Variants in TXK observed in about 807,000 individuals in gnomAD.
TXK encodes tyrosine-protein kinase TXK.
TXK carries 60 observed loss-of-function variants against 81.0 expected under a neutral mutation model. The observed-to-expected ratio is 0.74, with a 90% CI of 0.60 to 0.92. The LOEUF (loss-of-function observed/expected upper bound fraction) is 0.92, where lower values mean the gene tolerates loss of function less well. Among genes scored for constraint, TXK ranks in the 40% least tolerant of loss-of-function variants. The probability of loss-of-function intolerance (pLI) is 0.00; values close to 1 mark genes in which losing one functional copy is unlikely to be tolerated. For synonymous variants in TXK, 203 were observed against 210.7 expected (o/e 0.96, Z 0.32); for missense variants, 581 against 638.3 (o/e 0.91, Z 0.97).
At position 48,112,357 on chromosome 4, in the gene TXK, C is replaced by A. The variant is rs1456021643; in HGVS notation, c.330G>T (p.Leu110=). The part of the protein sequence containing the change: ...NLALRRAEEY[L]ILEKYNPHWW... ...AGTGAGGATTGTATTTCTCCAGTATCAGGTATTCTTCTGCTCTCCTTAAGG... is the reference window on the plus strand; with the variant it reads ...AGTGAGGATTGTATTTCTCCAGTATAAGGTATTCTTCTGCTCTCCTTAAGG... The change falls in exon 4 of 15, where the codon CTG becomes CTT. Residue 110 remains leucine (L), a synonymous_variant. Coordinates refer to ENST00000264316, the MANE Select transcript of TXK (RefSeq NM_003328.3). The A allele has an allele frequency of 2.5e-6, 4 of 1,614,038 alleles. No individual in the cohort carries two copies. In the South Asian group the frequency reaches 4.4e-5, roughly 18 times the overall value.
chr4:48,120,175 A>ACATACG (rs1211067152), intron 1 of TXK, among the ~76,000 whole-genome samples: 7 of 94,670 alleles, frequency 7.4e-5, no homozygotes, highest in South Asian at 2.7e-4. Context: ...GTATATACGT[A>ACATACG]TATGTGTATA....
chr4:48,114,112 G>A (rs867385794), intron 2 of TXK, among the ~76,000 whole-genome samples: 7 of 152,142 alleles, frequency 4.6e-5, no homozygotes, highest in Non-Finnish European at 1.0e-4. Context: ...GAACAATGCC[G>A]CACACGGTGG....
chr4:48,075,640 A>G (rs1346395832), intron 12 of TXK, among the ~76,000 whole-genome samples: 1 of 151,742 alleles, frequency 6.6e-6, no homozygotes, highest in Admixed American at 6.6e-5. Flanking sequence ...ACAGAGTAAG[A>G]CTCTGTCGAA....
At chr4:48,114,634 T>C (rs1328772923) in intron 1 of TXK, 1 of 547,236 alleles carries the variant, frequency 1.8e-6, no homozygotes, top group South Asian at 2.1e-5. Context: ...GGTTTTTGCA[T>C]TTCCTCAGTC....
At chr4:48,127,663 C>T (rs985684320) in intron 1 of TXK, among the ~76,000 whole-genome samples, 7 of 152,216 alleles carry the variant, frequency 4.6e-5, no homozygotes, top group Non-Finnish European at 8.8e-5. Context: ...TACATCTGCG[C>T]TGTTCTTTTC....
At chr4:48,132,036 C>A (rs1471559814) in intron 1 of TXK, among the ~76,000 whole-genome samples, 3 of 147,358 alleles carry the variant, frequency 2.0e-5, no homozygotes, top group Admixed American at 6.8e-5. Context: ...ACTGGAATAA[C>A]CTGATTTTTT....
At chr4:48,090,485 T>C (rs958426052) in intron 8 of TXK, among the ~76,000 whole-genome samples, 1 of 152,222 alleles carries the variant, frequency 6.6e-6, no homozygotes, top group Non-Finnish European at 1.5e-5. Flanking sequence ...GGTTAACATA[T>C]AGATTTCTAT....
intron 9 of TXK, among the ~76,000 whole-genome samples, chr4:48,086,898 G>A (rs1717556182): frequency 6.6e-6 from 1 of 152,164 alleles, no homozygotes; most frequent in Non-Finnish European, 1.5e-5. Flanking sequence ...TGCTCCCAAA[G>A]ACAACAGCGA....
At chr4:48,068,850 G>A (rs1001905185) in intron 14 of TXK, among the ~76,000 whole-genome samples, 4 of 126,444 alleles carry the variant, frequency 3.2e-5, no homozygotes, top group Non-Finnish European at 6.7e-5. Flanking sequence ...AAAATAAACA[G>A]AGCAGAAGAC....
intron 13 of TXK, 41 bp from the exon 14 acceptor site, chr4:48,071,715 A>G (rs1349806001): frequency 3.7e-6 from 6 of 1,603,556 alleles, no homozygotes; most frequent in Non-Finnish European, 5.1e-6. Context: ...TTAGAGAGAA[A>G]TGATTGCTTG....
chr4:48,113,112 T>C (rs1263807783), intron 3 of TXK, 95 bp downstream of exon 3: 4 of 775,156 alleles, frequency 5.2e-6, no homozygotes, highest in Non-Finnish European at 8.6e-6. Context: ...CCAAGCAGGA[T>C]ACTAGATTCT....
At chr4:48,113,138 CCT>C in intron 3 of TXK, 67 bp downstream of exon 3, 1 of 1,122,494 alleles carries the variant, frequency 8.9e-7, no homozygotes, top group Non-Finnish European at 1.3e-6. Flanking sequence ...ACAAACAGCA[CCT>C]CATGAATGAA....
intron 5 of TXK, among the ~76,000 whole-genome samples, chr4:48,105,788 C>A (rs1042319708): frequency 6.6e-5 from 10 of 152,206 alleles, no homozygotes; most frequent in African/African-American, 2.4e-4. Flanking sequence ...TCTCCCCTCA[C>A]TCACTAAGCT....
intron 1 of TXK, among the ~76,000 whole-genome samples, chr4:48,126,360 G>A (rs1417088912): frequency 6.6e-6 from 1 of 152,156 alleles, no homozygotes; most frequent in Non-Finnish European, 1.5e-5. Flanking sequence ...AGAATACAGT[G>A]TATGATACAC....
chr4:48,085,764 G>A (rs552716415), intron 10 of TXK, among the ~76,000 whole-genome samples: 8 of 152,180 alleles, frequency 5.3e-5, no homozygotes, highest in African/African-American at 7.2e-5. Flanking sequence ...AGACGAGATC[G>A]GCTGCAGGAT....
At position 48,095,124 on chromosome 4, in the gene TXK, C is replaced by A. The variant is rs1470515173; in HGVS notation, c.581+19G>T. On this transcript the variant is annotated intron_variant, in intron 7 of 14. Coordinates refer to ENST00000264316, the MANE Select transcript of TXK (RefSeq NM_003328.3). ...TGCCAGGGATTATTTCTATAGTAACCAAAATCACAAGTGCTTACCTTCTAG... is the reference window on the plus strand; with the variant it reads ...TGCCAGGGATTATTTCTATAGTAACAAAAATCACAAGTGCTTACCTTCTAG... 1 of 1,590,044 alleles carries A rather than the reference C, an allele frequency of 6.3e-7. No homozygotes were observed. Among genetic ancestry groups the A allele is most frequent in the Non-Finnish European group, 8.6e-7 (1 of 1,158,596 alleles).
intron 1 of TXK, among the ~76,000 whole-genome samples, chr4:48,132,531 A>G (rs896473095): frequency 2.6e-5 from 4 of 152,208 alleles, no homozygotes; most frequent in Admixed American, 6.5e-5. Flanking sequence ...GTATACAAAT[A>G]TACACATACA....
At chr4:48,119,073 T>A (rs1313992449) in intron 1 of TXK, among the ~76,000 whole-genome samples, 1 of 152,212 alleles carries the variant, frequency 6.6e-6, no homozygotes, top group East Asian at 1.9e-4. Flanking sequence ...AATGATCTGC[T>A]GTTTAGGGAC....
At chr4:48,117,682 C>T (rs1577679116) in intron 1 of TXK, among the ~76,000 whole-genome samples, 1 of 152,216 alleles carries the variant, frequency 6.6e-6, no homozygotes, top group African/African-American at 2.4e-5. Context: ...AGAGAGGCTG[C>T]TCCAATCTCC....
Sources: gnomAD v4.1 joint callset for allele counts (sites outside exome capture counted in the v4.1 genomes callset) on GRCh38, gnomAD v4.1.1 for gene constraint, MANE v1.5 for transcripts, NCBI Gene and HGNC (gene_info 2026-07-23, HGNC 2026-07-21) for gene names.